CERS5: variants seen among roughly 807,000 people sequenced by gnomAD.
CERS5 encodes the protein ceramide synthase 5.
In CERS5, 37 loss-of-function variants were observed where a neutral mutation model predicts 58.9. The ratio of observed to expected loss-of-function variants is 0.63; its 90% CI spans 0.48 to 0.83. The LOEUF is 0.83. Ranked by LOEUF, CERS5 falls within the 40% of genes least tolerant of loss-of-function variation. The pLI is 0.00. For missense variants in CERS5, 398 were observed against 489.3 expected (o/e 0.81, Z 1.76); for synonymous variants, 147 against 177.8 (o/e 0.83, Z 1.38).
intron 1 of CERS5, chr12:50,165,139 GC>G (rs1939725990): frequency 6.6e-6 from 1 of 152,170 alleles, no homozygotes; most frequent in African/African-American, 2.4e-5. Flanking sequence ...ACAAAACAAG[GC>G]CGGGCGCGGC....
rs545618057 is a variant in CERS5, at chr12:50,154,788, C to T, written c.198-10731G>A. Among the ~76,000 whole-genome samples, 4 of 152,272 alleles carry T rather than the reference C, an allele frequency of 2.6e-5. No homozygotes were observed. The East Asian group carries it at 5.8e-4, about 22-fold the overall frequency. On this transcript the variant is annotated intron_variant, in intron 1 of 9. Transcript: ENST00000317551. ...CAAGCTATCCTCCTGTCTCTGCCTC[C>T]CTAAGTGCTGGGATTACAAGTGTGA...
intron 4 of CERS5, among the ~76,000 whole-genome samples, chr12:50,141,413 C>T (rs1446805521): frequency 2.0e-5 from 3 of 152,038 alleles, no homozygotes; most frequent in Admixed American, 6.6e-5. Context: ...CCTGTTTCAC[C>T]CACTTTAAAG....
At position 50,143,068 on chromosome 12, in the gene CERS5, A is replaced by C; in HGVS notation, c.434+6T>G. ...TTATTCCCTCCCTCCCTCCTTGCGT[A>C]CTTACATGCTTTCACAGAATTTAGT... On this transcript the variant is annotated splice_donor_region_variant and intron_variant, in intron 3 of 9. Coordinates refer to ENST00000317551, the MANE Select transcript of CERS5 (RefSeq NM_147190.5). 4 of 1,600,132 alleles carry C rather than the reference A, an allele frequency of 2.5e-6. No individual in the cohort carries two copies. The highest frequency in any genetic ancestry group is 2.6e-6 in the Non-Finnish European group (3 of 1,171,146).
intron 1 of CERS5, among the ~76,000 whole-genome samples, chr12:50,159,132 T>C (rs1292666419): frequency 2.6e-5 from 4 of 152,042 alleles, no homozygotes; most frequent in Admixed American, 2.0e-4. Flanking sequence ...CCATCCTGGC[T>C]AACACGGTGA....
chr12:50,157,374 AG>A (rs776157078), intron 1 of CERS5, among the ~76,000 whole-genome samples: 17 of 147,858 alleles, frequency 1.1e-4, no homozygotes, highest in South Asian at 2.1e-4. Flanking sequence ...AAGGAAAATT[AG>A]AAAAAAAAAC....
At chr12:50,152,838 G>T (rs1472660993) in intron 1 of CERS5, among the ~76,000 whole-genome samples, 8 of 152,140 alleles carry the variant, frequency 5.3e-5, no homozygotes, top group Non-Finnish European at 5.9e-5. Context: ...GGGAGGCGGA[G>T]GCGGGCGGAT....
At chr12:50,135,869 G>A (rs1226756609) in intron 7 of CERS5, 31 bp from the exon 8 acceptor site, 2 of 1,601,704 alleles carry the variant, frequency 1.2e-6, no homozygotes, top group Admixed American at 1.7e-5. Context: ...TTGAGCTGGG[G>A]AGAAAGTCAT....
intron 1 of CERS5, among the ~76,000 whole-genome samples, chr12:50,163,167 G>C (rs1939494710): frequency 1.3e-5 from 2 of 152,024 alleles, no homozygotes; most frequent in African/African-American, 4.8e-5. Context: ...CAAAGTGTTG[G>C]GATTACAGGT....
chr12:50,165,943 T>C (rs1436560914), intron 1 of CERS5: 1 of 455,082 alleles, frequency 2.2e-6, no homozygotes, highest in Non-Finnish European at 4.4e-6. Flanking sequence ...AATATCTTTA[T>C]CTTGGACAAA....
chr12:50,153,830 C>T (rs766531252), intron 1 of CERS5: 3 of 411,180 alleles, frequency 7.3e-6, no homozygotes, highest in South Asian at 5.1e-5. Context: ...GGCGCATACC[C>T]ATAATCCCAG....
Position 50,142,109 on chromosome 12 carries a change from A to C in CERS5, c.436T>G (p.Trp146Gly). ...ATACATAAATAAAATGTGAATCTCC[A>C]CCTGGGTGGGCAAAGAGTAAAGGTT... Reference protein sequence around the residue: ...PTLTKFCESMWRFTFYLCIFC... With the variant: ...PTLTKFCESMGRFTFYLCIFC... The change falls in exon 4 of 10, where the codon TGG becomes GGG. Residue 146 changes from tryptophan to glycine, a missense_variant and splice_region_variant. This residue lies in a region of CERS5 where 328 missense variants were observed against 384.5 expected (regional missense o/e 0.85). Transcript: ENST00000317551. 6.2e-7 allele frequency: 1 copy of C among 1,600,626 alleles called. No homozygotes were observed. The highest frequency in any genetic ancestry group is 8.6e-7 in the Non-Finnish European group (1 of 1,169,318).
At chr12:50,140,445 G>A (rs937641594) in intron 4 of CERS5, among the ~76,000 whole-genome samples, 2 of 151,600 alleles carry the variant, frequency 1.3e-5, no homozygotes, top group African/African-American at 2.4e-5. Flanking sequence ...CACCATGCCC[G>A]GCTAATTTTT....
intron 1 of CERS5, among the ~76,000 whole-genome samples, chr12:50,160,325 AAAAAG>A (rs1250915216): frequency 2.0e-5 from 3 of 151,878 alleles, no homozygotes; most frequent in African/African-American, 4.8e-5. Context: ...AAAAGAAAAA[AAAAAG>A]AAAAGAAAAA....
chr12:50,156,031 C>T (rs1342781119), intron 1 of CERS5, among the ~76,000 whole-genome samples: 1 of 138,438 alleles, frequency 7.2e-6, no homozygotes, highest in African/African-American at 2.7e-5. Flanking sequence ...ACCTGGGAAG[C>T]AGAGGTTGCA....
At chr12:50,149,693 G>C (rs1437872934) in intron 1 of CERS5, among the ~76,000 whole-genome samples, 1 of 152,128 alleles carries the variant, frequency 6.6e-6, no homozygotes, top group East Asian at 1.9e-4. Flanking sequence ...CCTTTAGTCT[G>C]TAGTCTCTGG....
At position 50,135,812 on chromosome 12, in the gene CERS5, C is replaced by G. The variant is rs764994396; in HGVS notation, c.792G>C (p.Lys264Asn). 3 of 1,614,024 alleles carry G rather than the reference C, an allele frequency of 1.9e-6. No homozygotes were observed. In the Admixed American group the frequency reaches 5.0e-5, roughly 27 times the overall value. ...AAAGGGTGTCACAGAGCCGCTGATA[C>G]TTGGCATAATTGGCCAGTTTGGCTG... ...LEAAKLANYA[K>N]YQRLCDTLFV... Residue 264 changes from lysine to asparagine, a missense_variant, in exon 8 of 10, where the codon AAG becomes AAC. Coordinates refer to ENST00000317551, the MANE Select transcript of CERS5 (RefSeq NM_147190.5).
chr12:50,139,654 C>T (rs1951861014), intron 4 of CERS5, among the ~76,000 whole-genome samples: 1 of 151,976 alleles, frequency 6.6e-6, no homozygotes, highest in South Asian at 2.1e-4. Flanking sequence ...TTAGCTGGGC[C>T]TGGTGGCGTA....
intron 9 of CERS5, chr12:50,134,286 G>T: frequency 1.5e-6 from 1 of 666,238 alleles, no homozygotes; most frequent in Non-Finnish European, 2.1e-6. Context: ...GGCTGCAGTG[G>T]GAGAATCCAA....
In CERS5 at chr12:50,143,945, C is replaced by T; in HGVS notation, c.303+7G>A. The T allele has an allele frequency of 1.3e-6, 2 of 1,548,400 alleles. No homozygotes were observed. Among genetic ancestry groups the T allele is most frequent in the Non-Finnish European group, 1.8e-6 (2 of 1,120,572 alleles). On this transcript the variant is annotated splice_region_variant and intron_variant, in intron 2 of 9. Transcript: ENST00000317551. ...GAATATTCCTCTCTGTTTCTTTGCC[C>T]ACTTACCTTGGTAATAGATATGAAC...
Sources: allele counts gnomAD v4.1 joint callset (sites outside exome capture counted in the v4.1 genomes callset), GRCh38; gene constraint gnomAD v4.1.1; regional missense constraint gnomAD v4.1.1; transcripts MANE v1.5; gene names NCBI Gene and HGNC (gene_info 2026-07-23, HGNC 2026-07-21).